CSMD1: variants seen among roughly 807,000 people sequenced by gnomAD.
CSMD1 encodes CUB and sushi domain-containing protein 1.
In CSMD1, 213 loss-of-function variants were observed where a neutral mutation model predicts 417.5. The ratio of observed to expected loss-of-function variants is 0.51; its 90% CI spans 0.46 to 0.57. The LOEUF (loss-of-function observed/expected upper bound fraction) is 0.57, where lower values mean the gene tolerates loss of function less well. CSMD1 is among the 20% of genes least tolerant of loss of function. The probability of loss-of-function intolerance (pLI) is 0.00; values close to 1 mark genes in which losing one functional copy is unlikely to be tolerated. For synonymous variants in CSMD1, 2,862 were observed against 1,736.8 expected (o/e 1.65, Z -16.11); for missense variants, 6,923 against 4,529.7 (o/e 1.53, Z -15.17).
chr8:3,961,851 A>G (rs1452242419), intron 5 of CSMD1, among the ~76,000 whole-genome samples: 1 of 152,202 alleles, frequency 6.6e-6, no homozygotes, highest in Admixed American at 6.5e-5. Flanking sequence ...CATGAGGAAG[A>G]GATGTCCCTT....
At chr8:4,199,334 T>A (rs758918808) in intron 3 of CSMD1, among the ~76,000 whole-genome samples, 1 of 152,208 alleles carries the variant, frequency 6.6e-6, no homozygotes, top group African/African-American at 2.4e-5. Context: ...GGTCTGTATC[T>A]GAAGTCTACC....
At chr8:4,606,109 G>C (rs966671416) in intron 2 of CSMD1, among the ~76,000 whole-genome samples, 3 of 152,140 alleles carry the variant, frequency 2.0e-5, no homozygotes, top group Non-Finnish European at 4.4e-5. Context: ...AATTGATCGA[G>C]CTGAAATGAC....
intron 3 of CSMD1, among the ~76,000 whole-genome samples, chr8:4,392,327 A>G (rs1031223147): frequency 2.6e-5 from 4 of 152,220 alleles, no homozygotes; most frequent in African/African-American, 9.6e-5. Context: ...CATGGGGACC[A>G]CGGATATGTA....
chr8:4,232,160 T>G (rs1801771765), intron 3 of CSMD1, among the ~76,000 whole-genome samples: 1 of 152,186 alleles, frequency 6.6e-6, no homozygotes, highest in Non-Finnish European at 1.5e-5. Context: ...AACTTCAAAA[T>G]CCAAGTGTAT....
chr8:4,355,319 A>G (rs1373518231), intron 3 of CSMD1, among the ~76,000 whole-genome samples: 1 of 130,924 alleles, frequency 7.6e-6, no homozygotes, highest in Non-Finnish European at 1.8e-5. Context: ...ACACACACAC[A>G]CACACGCACA....
At chr8:3,626,406 C>G (rs1226217961) in intron 7 of CSMD1, among the ~76,000 whole-genome samples, 1 of 152,144 alleles carries the variant, frequency 6.6e-6, no homozygotes, top group African/African-American at 2.4e-5. Flanking sequence ...GTTTATATTA[C>G]TTTGCATAGA....
chr8:3,949,713 T>G (rs1027334233), intron 5 of CSMD1, among the ~76,000 whole-genome samples: 4 of 152,096 alleles, frequency 2.6e-5, no homozygotes, highest in Admixed American at 6.6e-5. Context: ...ATTTCCTGAT[T>G]CATGGTATGA....
chr8:3,661,611 C>T (rs748801078), intron 7 of CSMD1, among the ~76,000 whole-genome samples: 7 of 152,148 alleles, frequency 4.6e-5, no homozygotes, highest in Non-Finnish European at 8.8e-5. Flanking sequence ...ATTCTCCCGC[C>T]TCAGCCTCCC....
chr8:3,077,431 C>T (rs1813762749), intron 49 of CSMD1, among the ~76,000 whole-genome samples: 1 of 152,172 alleles, frequency 6.6e-6, no homozygotes, highest in South Asian at 2.1e-4. Context: ...CTGTCTGCAT[C>T]GATGTGGTCT....
chr8:3,402,640 A>G (rs1355881162), intron 15 of CSMD1, among the ~76,000 whole-genome samples: 2 of 152,212 alleles, frequency 1.3e-5, no homozygotes, highest in East Asian at 1.9e-4. Context: ...CTGTTTACGT[A>G]AAGTTATATT....
At chr8:3,058,091 C>T (rs931550028) in intron 49 of CSMD1, among the ~76,000 whole-genome samples, 6 of 152,134 alleles carry the variant, frequency 3.9e-5, no homozygotes, top group African/African-American at 1.4e-4. Flanking sequence ...CTATTTAAGC[C>T]TACTCTAGAG....
chr8:3,868,621 G>A (rs2129110617), intron 5 of CSMD1, among the ~76,000 whole-genome samples: 1 of 152,266 alleles, frequency 6.6e-6, no homozygotes, highest in East Asian at 1.9e-4. Flanking sequence ...AACCTCACAT[G>A]CATATAAACA....
chr8:4,338,958 G>C (rs1292726579), intron 3 of CSMD1, among the ~76,000 whole-genome samples: 2 of 152,016 alleles, frequency 1.3e-5, no homozygotes, highest in Non-Finnish European at 2.9e-5. Flanking sequence ...ACATAGGTCT[G>C]GGCATACAGT....
chr8:3,488,292 G>C (rs1052484685), intron 11 of CSMD1, among the ~76,000 whole-genome samples: 3 of 151,820 alleles, frequency 2.0e-5, no homozygotes, highest in Non-Finnish European at 2.9e-5. Flanking sequence ...TTTTTTTGTA[G>C]AGACGGAGTT....
At chr8:4,472,617 C>T (rs927309552) in intron 2 of CSMD1, among the ~76,000 whole-genome samples, 3 of 151,926 alleles carry the variant, frequency 2.0e-5, no homozygotes, top group African/African-American at 7.2e-5. Flanking sequence ...ACAAGATATT[C>T]TGCAAACAAT....
At chr8:4,647,471 G>C (rs2617038) in intron 1 of CSMD1, among the ~76,000 whole-genome samples, 1 of 148,186 alleles carries the variant, frequency 6.7e-6, no homozygotes, top group African/African-American at 2.6e-5. Context: ...CTGCTACGTA[G>C]GTACGCGTGT....
At chr8:3,618,442 T>C (rs1298569410) in intron 7 of CSMD1, among the ~76,000 whole-genome samples, 1 of 152,052 alleles carries the variant, frequency 6.6e-6, no homozygotes, top group Non-Finnish European at 1.5e-5. Context: ...AGATATTTTT[T>C]AGGTATTTTT....
At chr8:3,932,197 T>A (rs1168234392) in intron 5 of CSMD1, among the ~76,000 whole-genome samples, 1 of 150,440 alleles carries the variant, frequency 6.6e-6, no homozygotes, top group Admixed American at 6.6e-5. Flanking sequence ...GTTTCATCGA[T>A]ACTTTGGTCC....
chr8:4,273,806 A>T (rs148744729), intron 3 of CSMD1, among the ~76,000 whole-genome samples: 137 of 152,216 alleles, frequency 9.0e-4, no homozygotes, highest in Admixed American at 3.6e-3. Flanking sequence ...GTCTGGTGAA[A>T]CCTGTACTGG....
Sources: gnomAD v4.1 joint callset for allele counts (sites outside exome capture counted in the v4.1 genomes callset) on GRCh38, gnomAD v4.1.1 for gene constraint, MANE v1.5 for transcripts, NCBI Gene and HGNC (gene_info 2026-07-23, HGNC 2026-07-21) for gene names.